Variants in USP4 observed in about 807,000 individuals in gnomAD.
The protein encoded by USP4 is ubiquitin specific peptidase 4.
USP4 carries 72 observed loss-of-function variants against 118.2 expected under a neutral mutation model. That is an observed-to-expected ratio of 0.61 (90% CI 0.50 to 0.74). The LOEUF (loss-of-function observed/expected upper bound fraction) is 0.74, where lower values mean the gene tolerates loss of function less well. USP4 is among the 30% of genes least tolerant of loss of function. The pLI is 0.00. For synonymous variants in USP4, 415 were observed against 440.4 expected, an observed-to-expected ratio of 0.94 and a Z score of 0.72; for missense variants, 1,037 against 1,185.7, an observed-to-expected ratio of 0.87 and a Z score of 1.84.
chr3:49,291,673 T>TA (rs914650063), intron 15 of USP4, among the ~76,000 whole-genome samples: 8 of 151,680 alleles, frequency 5.3e-5, no homozygotes, highest in African/African-American at 1.9e-4. Context: ...CTGAGTCACG[T>TA]AAGTCCCAAA....
At chr3:49,330,389 G>A (rs1365783075) in intron 2 of USP4, among the ~76,000 whole-genome samples, 5 of 151,120 alleles carry the variant, frequency 3.3e-5, no homozygotes, top group Admixed American at 6.6e-5. Flanking sequence ...GTGCAGTGGC[G>A]CCATCTCGGC....
At chr3:49,317,418 C>G (rs1575615356) in intron 6 of USP4, 1 of 975,834 alleles carries the variant, frequency 1.0e-6, no homozygotes, top group Non-Finnish European at 1.6e-6. Flanking sequence ...TGCATTTGAC[C>G]AGCTTGTTGT....
At chr3:49,332,108 A>G (rs1434499269) in intron 2 of USP4, among the ~76,000 whole-genome samples, 1 of 151,928 alleles carries the variant, frequency 6.6e-6, no homozygotes, top group Admixed American at 6.6e-5. Context: ...TCCCGTCTTT[A>G]CTAAAAATAC....
intron 2 of USP4, among the ~76,000 whole-genome samples, chr3:49,335,247 T>C (rs1196163882): frequency 6.6e-6 from 1 of 152,192 alleles, no homozygotes; most frequent in Admixed American, 6.6e-5. Context: ...AAAGTTAAAA[T>C]GTTAGAAGCA....
intron 1 of USP4, 22 bp downstream of exon 1, chr3:49,339,902 G>A (rs1240267739): frequency 6.2e-7 from 1 of 1,605,736 alleles, no homozygotes; most frequent in African/African-American, 1.3e-5. Flanking sequence ...CTGCATAGAG[G>A]AAGAGCGAGC....
chr3:49,285,484 C>T (rs868739324), intron 16 of USP4, among the ~76,000 whole-genome samples: 1 of 152,110 alleles, frequency 6.6e-6, no homozygotes, highest in Non-Finnish European at 1.5e-5. Context: ...TGTCTCTACA[C>T]AAACTACAAA....
intron 3 of USP4, among the ~76,000 whole-genome samples, chr3:49,327,132 T>A (rs1266840627): frequency 6.6e-6 from 1 of 152,196 alleles, no homozygotes; most frequent in African/African-American, 2.4e-5. Flanking sequence ...GAAAGTTCTC[T>A]CACAGCGCTG....
chr3:49,291,253 C>G (rs1484907798), intron 15 of USP4, among the ~76,000 whole-genome samples: 1 of 148,766 alleles, frequency 6.7e-6, no homozygotes, highest in Non-Finnish European at 1.5e-5. Flanking sequence ...TGTGAGTCAC[C>G]GCACCCAGCC....
Position 49,310,658 on chromosome 3 carries a change from T to G in USP4, c.916A>C (p.Asn306His). Residue 306 changes from asparagine (N) to histidine (H), a missense_variant, in exon 8 of 22, where the codon AAC becomes CAC. Asn to His is a moderately conservative substitution (Grantham distance 68, BLOSUM62 1). This residue lies in a region of USP4 where 487 missense variants were observed against 534.1 expected (regional missense o/e 0.91). Transcript: ENST00000265560. ...TTCATGAAGCAGGTGTTTCCCAGGT[T>G]TCCAAGTCCACAGAGCCCAGGTTGT... ...HIQPGLCGLG[N>H]LGNTCFMNSA... 1 of 1,614,158 alleles carries G rather than the reference T, an allele frequency of 6.2e-7. No individual in the cohort carries two copies. Among genetic ancestry groups the G allele is most frequent in the Non-Finnish European group, 8.5e-7 (1 of 1,180,012 alleles).
At chr3:49,282,436 A>G (rs1467090385) in intron 19 of USP4, among the ~76,000 whole-genome samples, 2 of 151,738 alleles carry the variant, frequency 1.3e-5, no homozygotes. Context: ...CACCATGCCT[A>G]GCTAATTTTG....
intron 6 of USP4, among the ~76,000 whole-genome samples, chr3:49,321,723 G>A (rs144271998): frequency 3.9e-5 from 6 of 152,160 alleles, no homozygotes; most frequent in African/African-American, 7.2e-5. Context: ...GCCGGGCGCC[G>A]TGGCTTATGC....
At chr3:49,304,347 G>GCAC (rs2047291358) in intron 9 of USP4, among the ~76,000 whole-genome samples, 1 of 152,076 alleles carries the variant, frequency 6.6e-6, no homozygotes, top group African/African-American at 2.4e-5. Flanking sequence ...AGGGAGCAAA[G>GCAC]CACCTCCACC....
chr3:49,317,610 C>T (rs1430085454), intron 6 of USP4: 4 of 580,622 alleles, frequency 6.9e-6, no homozygotes, highest in Non-Finnish European at 9.0e-6. Flanking sequence ...GGCGTGATAT[C>T]GGCTCACTGC....
chr3:49,288,525 A>G (rs1456526754), intron 15 of USP4, among the ~76,000 whole-genome samples: 1 of 152,154 alleles, frequency 6.6e-6, no homozygotes, highest in Admixed American at 6.6e-5. Context: ...AAATACAAAA[A>G]TTAGCCAGGC....
rs540765232 is a variant in USP4, at chr3:49,284,362, G to A, written c.2390+104C>T. 1.7e-3 allele frequency: 1,804 copies of A among 1,075,494 alleles called. 3 individuals carry two copies. Among genetic ancestry groups the A allele is most frequent in the Non-Finnish European group, 2.1e-3 (1,543 of 724,786 alleles). 66.6% of individuals were successfully genotyped at this position (1,075,494 alleles called of 1,614,324 possible). A position where few individuals can be genotyped will look rare whatever the true frequency, so the allele number is the denominator to read the frequency against. On this transcript the variant is annotated intron_variant, in intron 18 of 21. Coordinates refer to ENST00000265560, the MANE Select transcript of USP4 (RefSeq NM_003363.4). Reference sequence around the variant, plus strand: ...GTTGTAGGGTTAGCTATATAAAGAAGTGACACATCCAAATACAAAGGGGTT... The same window carrying A: ...GTTGTAGGGTTAGCTATATAAAGAAATGACACATCCAAATACAAAGGGGTT...
intron 2 of USP4, among the ~76,000 whole-genome samples, chr3:49,329,518 A>T (rs1480025678): frequency 6.6e-6 from 1 of 152,126 alleles, no homozygotes; most frequent in Non-Finnish European, 1.5e-5. Flanking sequence ...CTCCTGCCTT[A>T]GTCTCCCAAG....
At chr3:49,319,101 C>G (rs2107794528) in intron 6 of USP4, among the ~76,000 whole-genome samples, 1 of 149,788 alleles carries the variant, frequency 6.7e-6, no homozygotes, top group African/African-American at 2.5e-5. Context: ...GGGATTGCGC[C>G]ACTGCACTCC....
At chr3:49,305,968 C>CA in intron 8 of USP4, 80 bp from the exon 9 acceptor site, 1 of 1,372,416 alleles carries the variant, frequency 7.3e-7, no homozygotes. Flanking sequence ...TCTAAAGGGT[C>CA]ACTGAGGGAC....
At position 49,286,202 on chromosome 3, in the gene USP4, CCTTTGAT is replaced by C; in HGVS notation, c.2089_2095del (p.Ile697AlafsTer14). The C allele has an allele frequency of 6.2e-7, 1 of 1,614,084 alleles. No homozygotes were observed. The highest frequency in any genetic ancestry group is 8.5e-7 in the Non-Finnish European group (1 of 1,180,032). The stretch of plus-strand genomic sequence containing the variant: ...AAAAAGCCTTTTTGGGCAGGGCTGG[CCTTTGAT>C]CTTCTTTTGGGTGGTCTCACTGGGG... On this transcript the variant is annotated frameshift_variant, in exon 16 of 22. Coordinates refer to ENST00000265560, the MANE Select transcript of USP4 (RefSeq NM_003363.4). LOFTEE classifies it high-confidence loss of function.
Sources: gnomAD v4.1 joint callset for allele counts (sites outside exome capture counted in the v4.1 genomes callset) on GRCh38, gnomAD v4.1.1 for gene constraint, gnomAD v4.1.1 regional missense constraint, MANE v1.5 for transcripts, NCBI Gene and HGNC (gene_info 2026-07-23, HGNC 2026-07-21) for gene names.